The following GRID1 variants were observed in gnomAD, a reference collection of about 807,000 sequenced individuals.
GRID1 encodes glutamate receptor ionotropic, delta-1.
In GRID1, 28 loss-of-function variants were observed where a neutral mutation model predicts 98.0. The observed-to-expected ratio is 0.29, with a 90% CI of 0.21 to 0.39. The LOEUF is 0.39. Ranked by LOEUF, GRID1 falls within the 10% of genes least tolerant of loss-of-function variation. The pLI, the probability that GRID1 is intolerant of heterozygous loss-of-function variation, is 1.00. For synonymous variants in GRID1, 553 were observed against 538.5 expected, an observed-to-expected ratio of 1.03 and a Z score of -0.37; for missense variants, 1,111 against 1,340.5, an observed-to-expected ratio of 0.83 and a Z score of 2.67.
intron 4 of GRID1, among the ~76,000 whole-genome samples, chr10:86,059,664 A>G (rs1459137688): frequency 6.6e-6 from 1 of 152,372 alleles, no homozygotes; most frequent in East Asian, 1.9e-4. Flanking sequence ...AATGACCTCA[A>G]TCAATGCTAG....
intron 4 of GRID1, among the ~76,000 whole-genome samples, chr10:85,941,475 T>G (rs572566190): frequency 2.0e-5 from 3 of 152,188 alleles, no homozygotes; most frequent in Non-Finnish European, 2.9e-5. Context: ...CTATTAACGA[T>G]GGTTATATCT....
intron 13 of GRID1, among the ~76,000 whole-genome samples, chr10:85,628,855 T>C (rs1346656584): frequency 6.6e-6 from 1 of 151,880 alleles, no homozygotes; most frequent in East Asian, 1.9e-4. Flanking sequence ...AGAATGGGAG[T>C]GGACAATGAG....
chr10:86,198,227 TC>T, intron 3 of GRID1, among the ~76,000 whole-genome samples: 1 of 152,220 alleles, frequency 6.6e-6, no homozygotes, highest in African/African-American at 2.4e-5. Context: ...GCATGATGGC[TC>T]TTCGGAGCCA....
chr10:85,862,560 G>A (rs1292188716), intron 6 of GRID1, among the ~76,000 whole-genome samples: 2 of 152,062 alleles, frequency 1.3e-5, no homozygotes, highest in Admixed American at 6.6e-5. Context: ...TGGGTCCTCA[G>A]AAAGATAATG....
intron 12 of GRID1, among the ~76,000 whole-genome samples, chr10:85,681,896 A>G (rs1294877257): frequency 6.6e-6 from 1 of 152,010 alleles, no homozygotes; most frequent in Admixed American, 6.6e-5. Flanking sequence ...ATGCTGGGGT[A>G]CCTCAGGCAA....
intron 5 of GRID1, among the ~76,000 whole-genome samples, chr10:85,915,217 C>T (rs777212531): frequency 1.3e-5 from 2 of 152,108 alleles, no homozygotes; most frequent in Non-Finnish European, 2.9e-5. Context: ...TACACACACG[C>T]ATGCACACAC....
At chr10:86,075,248 G>A (rs534554083) in intron 4 of GRID1, among the ~76,000 whole-genome samples, 1 of 145,342 alleles carries the variant, frequency 6.9e-6, no homozygotes, top group Admixed American at 6.9e-5. Flanking sequence ...CTGGAAATAG[G>A]GTTTTTACAG....
At chr10:86,270,460 C>A (rs911157616) in intron 2 of GRID1, among the ~76,000 whole-genome samples, 1 of 152,088 alleles carries the variant, frequency 6.6e-6, no homozygotes, top group Non-Finnish European at 1.5e-5. Context: ...GAGACCAAGG[C>A]GGGTGGATCA....
chr10:85,992,987 G>A (rs544213311), intron 4 of GRID1, among the ~76,000 whole-genome samples: 2 of 152,212 alleles, frequency 1.3e-5, no homozygotes, highest in African/African-American at 4.8e-5. Flanking sequence ...TTTTAAAAGA[G>A]CTAGAAAAAG....
chr10:86,063,185 T>A (rs927494587), intron 4 of GRID1, among the ~76,000 whole-genome samples: 1 of 152,186 alleles, frequency 6.6e-6, no homozygotes, highest in Non-Finnish European at 1.5e-5. Context: ...AACACACTTA[T>A]CAAAAGCAAG....
rs533267433 is a variant in GRID1 at position 86,157,644 on chromosome 10, G to T, written c.521-18620C>A. On this transcript the variant is annotated intron_variant, in intron 3 of 15. Coordinates refer to ENST00000327946, the MANE Select transcript of GRID1 (RefSeq NM_017551.3). ...CCTCCCACGGACAGCTTGGAATTGG[G>T]AGTATTTCCCAGTAACCTGAGTTCT... Among the ~76,000 whole-genome samples, 6 of 152,302 alleles carry T rather than the reference G, an allele frequency of 3.9e-5. No homozygotes were observed. In the South Asian group the frequency reaches 1.2e-3, roughly 32 times the overall value.
intron 2 of GRID1, among the ~76,000 whole-genome samples, chr10:86,237,699 CAA>C (rs60612464): frequency 2.4e-4 from 22 of 90,152 alleles, no homozygotes; most frequent in Admixed American, 3.9e-4. Flanking sequence ...GACTCTGTCT[CAA>C]AAAAAAAAAA....
chr10:86,141,786 G>A (rs1404953371), intron 3 of GRID1, among the ~76,000 whole-genome samples: 1 of 152,236 alleles, frequency 6.6e-6, no homozygotes, highest in East Asian at 1.9e-4. Flanking sequence ...ATATGAGATG[G>A]ATCATCACAG....
At chr10:85,771,023 G>T (rs1842259687) in intron 8 of GRID1, among the ~76,000 whole-genome samples, 1 of 152,124 alleles carries the variant, frequency 6.6e-6, no homozygotes, top group Non-Finnish European at 1.5e-5. Context: ...ATAATTGTCA[G>T]ATTCACCAAA....
intron 2 of GRID1, among the ~76,000 whole-genome samples, chr10:86,311,774 C>T (rs1847836095): frequency 6.6e-6 from 1 of 152,178 alleles, no homozygotes; most frequent in Non-Finnish European, 1.5e-5. Flanking sequence ...CGTGGGAGGA[C>T]CACTTGAGCC....
chr10:86,347,039 C>T (rs903334734), intron 2 of GRID1, among the ~76,000 whole-genome samples: 1 of 152,140 alleles, frequency 6.6e-6, no homozygotes, highest in African/African-American at 2.4e-5. Flanking sequence ...TCCCTTACCC[C>T]AGAAAGCCTA....
At chr10:86,119,315 A>G (rs1844632143) in intron 4 of GRID1, among the ~76,000 whole-genome samples, 1 of 152,186 alleles carries the variant, frequency 6.6e-6, no homozygotes, top group Non-Finnish European at 1.5e-5. Flanking sequence ...AGCCTGGGTG[A>G]CAGAGTGAGA....
At chr10:85,836,479 T>C (rs772815867) in intron 8 of GRID1, among the ~76,000 whole-genome samples, 3 of 152,102 alleles carry the variant, frequency 2.0e-5, no homozygotes, top group Non-Finnish European at 4.4e-5. Context: ...AATGGATGAA[T>C]TGAACTGGCA....
intron 4 of GRID1, among the ~76,000 whole-genome samples, chr10:86,071,034 G>T (rs976278975): frequency 1.3e-5 from 2 of 152,216 alleles, no homozygotes; most frequent in Non-Finnish European, 2.9e-5. Context: ...GGTGGCCTCT[G>T]GGTGTGCAAC....
Sources: gnomAD v4.1 joint callset for allele counts (sites outside exome capture counted in the v4.1 genomes callset) on GRCh38, gnomAD v4.1.1 for gene constraint, MANE v1.5 for transcripts, NCBI Gene and HGNC (gene_info 2026-07-23, HGNC 2026-07-21) for gene names.